Variants in NEK9 observed in about 807,000 individuals in gnomAD.
NEK9 encodes NIMA related kinase 9.
Under a neutral mutation model 123.4 loss-of-function variants are expected in NEK9, and 75 were observed. That is an observed-to-expected ratio of 0.61 (90% confidence interval 0.50 to 0.74). The LOEUF (loss-of-function observed/expected upper bound fraction) is 0.74. NEK9 is among the 30% of genes least tolerant of loss of function. The probability of loss-of-function intolerance (pLI) is 0.00; values close to 1 mark genes in which losing one functional copy is unlikely to be tolerated. For missense variants in NEK9, 952 were observed against 1,214.4 expected, an observed-to-expected ratio of 0.78 and a Z score of 3.21; for synonymous variants, 438 against 458.7, an observed-to-expected ratio of 0.95 and a Z score of 0.58.
At chr14:75,104,703 G>T (rs1305843969) in intron 13 of NEK9, among the ~76,000 whole-genome samples, 2 of 151,838 alleles carry the variant, frequency 1.3e-5, no homozygotes, top group Non-Finnish European at 2.9e-5. Flanking sequence ...GGCTGGTCTC[G>T]AACTCCTGAC....
chr14:75,126,866 C>T lies in NEK9; in HGVS notation c.56G>A (p.Gly19Glu). The change falls in exon 1 of 22, where the codon GGG becomes GAG. Residue 19 changes from glycine (G) to glutamate (E), a missense_variant. By Grantham distance (98) the Gly-to-Glu change is moderately conservative. This residue lies in a region of NEK9 where 120 missense variants were observed against 97.6 expected (regional missense o/e 1.23). Coordinates refer to ENST00000238616, the MANE Select transcript of NEK9 (RefSeq NM_033116.6). ...RHCDSINSDF[G>E]SESGGCGDSS... ...GTCCCCGCAACCCCCGGACTCGCTCCCAAAGTCCGAGTTGATGGAATCGCA... is the reference window on the plus strand; with the variant it reads ...GTCCCCGCAACCCCCGGACTCGCTCTCAAAGTCCGAGTTGATGGAATCGCA... The T allele has an allele frequency of 1.3e-6, 2 of 1,528,466 alleles. No individual in the cohort carries two copies. The highest frequency in any genetic ancestry group is 1.8e-6 in the Non-Finnish European group (2 of 1,137,876). 94.7% of individuals were successfully genotyped at this position (1,528,466 alleles called of 1,614,324 possible). A position where few individuals can be genotyped will look rare whatever the true frequency, so the allele number is the denominator to read the frequency against.
Position 75,082,147 on chromosome 14 carries a change from CAG to C in NEK9, c.*2415_*2416del, listed in dbSNP as rs1893884277. ...TAAGAGCTTAAATGTTTATTTAAAA[CAG>C]AAATGCCAAACCACTCCACTCTCAA... On this transcript the variant is annotated 3_prime_UTR_variant, in exon 22 of 22. Transcript: ENST00000238616. The C allele has an allele frequency of 1.3e-5, 2 of 152,154 alleles. No individual in the cohort carries two copies. The highest frequency in any genetic ancestry group is 1.5e-5 in the Non-Finnish European group (1 of 68,030). The allele number at this position is 152,154 out of a possible 1,614,324, so 9.4% of individuals were successfully genotyped here.
intron 1 of NEK9, among the ~76,000 whole-genome samples, chr14:75,125,948 A>G (rs1340019463): frequency 1.3e-5 from 2 of 152,192 alleles, no homozygotes; most frequent in Non-Finnish European, 2.9e-5. Context: ...ACTAGTATAT[A>G]TTAACTTGGG....
At chr14:75,116,548 G>T in intron 6 of NEK9, 1 of 315,738 alleles carries the variant, frequency 3.2e-6, no homozygotes. Context: ...TGTTAATAAT[G>T]TTCCAATTCC....
intron 6 of NEK9, chr14:75,116,567 G>GA: frequency 3.6e-6 from 1 of 281,336 alleles, no homozygotes; most frequent in Non-Finnish European, 7.7e-6. Context: ...CCTACTGCTT[G>GA]AAAAAGTGAA....
intron 18 of NEK9, among the ~76,000 whole-genome samples, chr14:75,093,264 T>C (rs1055481395): frequency 9.9e-5 from 15 of 152,202 alleles, no homozygotes; most frequent in Non-Finnish European, 1.6e-4. Flanking sequence ...TTTCCATTGT[T>C]GCAAAAAGAT....
At chr14:75,115,062 CGT>C (rs58677851) in intron 6 of NEK9, among the ~76,000 whole-genome samples, 56,784 of 140,584 alleles carry the variant, frequency 0.4, 10,124 homozygotes, top group East Asian at 0.73. Flanking sequence ...TGTACACACA[CGT>C]GTGTGCACAT....
chr14:75,115,241 G>A (rs1318862537), intron 6 of NEK9, among the ~76,000 whole-genome samples: 2 of 152,088 alleles, frequency 1.3e-5, no homozygotes, highest in African/African-American at 4.8e-5. Flanking sequence ...TCAGCCTCCT[G>A]AGTAGCTGGG....
At position 75,126,754 on chromosome 14, in the gene NEK9, G is replaced by A; in HGVS notation, c.168C>T (p.Arg56=). The part of the protein sequence containing the change: ...EQEELHYIPI[R]VLGRGAFGEA... ...CCCCGAAGGCGCCGCGGCCCAGGAC[G>A]CGGATGGGGATGTAGTGCAGTTCCT... Residue 56 remains arginine, a synonymous_variant, in exon 1 of 22, where the codon CGC becomes CGT. Coordinates refer to ENST00000238616, the MANE Select transcript of NEK9 (RefSeq NM_033116.6). 3 of 1,506,010 alleles carry A rather than the reference G, an allele frequency of 2.0e-6. No homozygotes were observed. Among genetic ancestry groups the A allele is most frequent in the South Asian group, 1.3e-5 (1 of 79,726 alleles). The allele number at this position is 1,506,010 out of a possible 1,614,324, so 93.3% of individuals were successfully genotyped here. A position where few individuals can be genotyped will look rare whatever the true frequency, so the allele number is the denominator to read the frequency against.
At chr14:75,127,123 C>G (rs926645642), upstream of NEK9, 11 of 522,460 alleles carry the variant, frequency 2.1e-5, no homozygotes, top group Non-Finnish European at 3.3e-5. Context: ...TTTGCTTACC[C>G]TCTTGGCTAG....
chr14:75,115,027 A>G (rs1484933633), intron 6 of NEK9, among the ~76,000 whole-genome samples: 5 of 151,702 alleles, frequency 3.3e-5, no homozygotes, highest in African/African-American at 9.7e-5. Context: ...ATATATGTGT[A>G]TATATGTATA....
At chr14:75,117,805 G>C (rs574635129) in intron 5 of NEK9, among the ~76,000 whole-genome samples, 6 of 152,130 alleles carry the variant, frequency 3.9e-5, no homozygotes, top group South Asian at 2.1e-4. Context: ...CACAGCTAGC[G>C]AATTTCCTTT....
At chr14:75,120,799 A>C (rs1467630546) in intron 3 of NEK9, 3 of 585,088 alleles carry the variant, frequency 5.1e-6, no homozygotes, top group Non-Finnish European at 6.0e-6. Context: ...ATGTCATTAT[A>C]ATATATAGTA....
chr14:75,103,909 G>C lies in NEK9; in HGVS notation c.1664C>G (p.Ala555Gly). Residue 555 changes from alanine to glycine, a missense_variant, in exon 14 of 22, where the codon GCC (alanine) becomes GGC (glycine). By Grantham distance (60) the Ala-to-Gly change is moderately conservative (BLOSUM62 0). Coordinates refer to ENST00000238616, the MANE Select transcript of NEK9 (RefSeq NM_033116.6). ...FLLTQSGKVL[A>G]CGLNEFNKLG... ...CTTATTGAATTCATTGAGTCCACAG[G>C]CCAGCACTTTGCCTGACTGGGTCAA... The C allele has an allele frequency of 6.2e-7, 1 of 1,614,082 alleles. No homozygotes were observed. Among genetic ancestry groups the C allele is most frequent in the Non-Finnish European group, 8.5e-7 (1 of 1,180,006 alleles).
rs981753488 is a variant in NEK9 at position 75,106,656 on chromosome 14, C to T, written c.1374G>A (p.Met458Ile). 2 of 1,614,072 alleles carry T rather than the reference C, an allele frequency of 1.2e-6. No individual in the cohort carries two copies. Among genetic ancestry groups the T allele is most frequent in the African/African-American group, 2.7e-5 (2 of 75,042 alleles). The change falls in exon 12 of 22, where the codon ATG becomes ATA. Residue 458 changes from methionine to isoleucine, a missense_variant. Around this residue, in one of 4 missense-constraint regions of NEK9, gnomAD observed 698 missense variants for 875.6 expected, o/e 0.80. Coordinates refer to ENST00000238616, the MANE Select transcript of NEK9 (RefSeq NM_033116.6). ...YAFGSDYYGC[M>I]GVDKVAGPEV... ...CAGGGCCAGCAACTTTGTCCACCCC[C>T]ATGCAGCCATAATAATCTGATCCGA...
chr14:75,125,776 C>T (rs947722238), intron 1 of NEK9, among the ~76,000 whole-genome samples: 2 of 152,182 alleles, frequency 1.3e-5, no homozygotes, highest in African/African-American at 4.8e-5. Context: ...AGTATGCTGG[C>T]TTGGAACACA....
chr14:75,088,586 G>A lies in NEK9; in HGVS notation c.2498C>T (p.Ala833Val), dbSNP rs778292432. The change falls in exon 20 of 22, where the codon GCA (alanine) becomes GTA (valine). Residue 833 changes from alanine to valine, a missense_variant. Ala to Val is a moderately conservative substitution (Grantham distance 64). This residue lies in a region of NEK9 where 698 missense variants were observed against 875.6 expected (regional missense o/e 0.80). Coordinates refer to ENST00000238616, the MANE Select transcript of NEK9 (RefSeq NM_033116.6). Reference protein sequence around the residue: ...PMPDSPSPLSAAFSESEKDTL... With the variant: ...PMPDSPSPLSVAFSESEKDTL... ...ATCTTTCTCAGATTCTGAAAACGCT[G>A]CACTGAGAGGAGATGGGCTGTCAGG... 3.7e-6 allele frequency: 6 copies of A among 1,613,908 alleles called. No individual in the cohort carries two copies. The African/African-American group carries it at 5.3e-5, about 14-fold the overall frequency.
chr14:75,121,992 TG>T (rs781675463), intron 2 of NEK9, among the ~76,000 whole-genome samples: 1 of 152,262 alleles, frequency 6.6e-6, no homozygotes, highest in Non-Finnish European at 1.5e-5. Flanking sequence ...ACCCCTAGAC[TG>T]TTTCCTATCA....
At chr14:75,104,843 C>T (rs1048338413) in intron 13 of NEK9, among the ~76,000 whole-genome samples, 4 of 152,188 alleles carry the variant, frequency 2.6e-5, no homozygotes, top group Non-Finnish European at 5.9e-5. Flanking sequence ...GGTGACAGTT[C>T]CAGGTCAACT....
Sources: gnomAD v4.1 joint callset for allele counts (sites outside exome capture counted in the v4.1 genomes callset) on GRCh38, gnomAD v4.1.1 for gene constraint, gnomAD v4.1.1 regional missense constraint, MANE v1.5 for transcripts, NCBI Gene and HGNC (gene_info 2026-07-23, HGNC 2026-07-21) for gene names.